HS3ST4: variants seen among roughly 807,000 people sequenced by gnomAD.
HS3ST4 encodes the protein heparan sulfate-glucosamine 3-sulfotransferase 4, also known as heparan sulfate glucosamine 3-O-sulfotransferase 4.
Under a neutral mutation model 29.2 loss-of-function variants are expected in HS3ST4, and 17 were observed. The observed-to-expected ratio is 0.58, with a 90% confidence interval of 0.40 to 0.87. The LOEUF (loss-of-function observed/expected upper bound fraction) is 0.87. HS3ST4 is among the 40% of genes least tolerant of loss of function. The pLI is 0.00. For missense variants in HS3ST4, 627 were observed against 634.5 expected (o/e 0.99, Z 0.13); for synonymous variants, 314 against 285.7 (o/e 1.10, Z -1.00).
At chr16:25,712,492 G>T (rs1966422559) in intron 1 of HS3ST4, among the ~76,000 whole-genome samples, 1 of 152,062 alleles carries the variant, frequency 6.6e-6, no homozygotes, top group African/African-American at 2.4e-5. Context: ...CTGCACTCCA[G>T]CCTGGGAGAC....
At chr16:25,912,499 ACCTG>A (rs67643723) in intron 1 of HS3ST4, among the ~76,000 whole-genome samples, 85,710 of 151,536 alleles carry the variant, frequency 0.57, 24,659 homozygotes, top group East Asian at 0.79. Context: ...TGCCCCACAC[ACCTG>A]CCTGCTGACT....
At chr16:25,894,514 G>GT (rs1555471045) in intron 1 of HS3ST4, among the ~76,000 whole-genome samples, 2 of 145,066 alleles carry the variant, frequency 1.4e-5, no homozygotes, top group Admixed American at 6.9e-5. Context: ...TTTTTTTTCA[G>GT]TTTTTTTTGA....
At chr16:25,882,945 CTCTGGG>C in intron 1 of HS3ST4, among the ~76,000 whole-genome samples, 7 of 152,164 alleles carry the variant, frequency 4.6e-5, no homozygotes, top group African/African-American at 1.7e-4. Context: ...CTGCTCTGAC[CTCTGGG>C]AGGGTGACAG....
At chr16:26,122,501 T>C (rs1459898998) in intron 1 of HS3ST4, among the ~76,000 whole-genome samples, 1 of 152,174 alleles carries the variant, frequency 6.6e-6, no homozygotes, top group Non-Finnish European at 1.5e-5. Context: ...TGCCTACAGT[T>C]TGTGCAGTTT....
chr16:25,971,293 G>A (rs891796264), intron 1 of HS3ST4, among the ~76,000 whole-genome samples: 2 of 152,178 alleles, frequency 1.3e-5, no homozygotes, highest in Non-Finnish European at 2.9e-5. Context: ...ACTTGATAAG[G>A]TGATGTATCT....
intron 1 of HS3ST4, among the ~76,000 whole-genome samples, chr16:25,788,532 C>T (rs1487295501): frequency 4.2e-4 from 48 of 113,520 alleles, no homozygotes; most frequent in Admixed American, 7.7e-4. Flanking sequence ...ATTTTTTTTT[C>T]TTTTCTTCTT....
At chr16:26,111,205 A>C (rs951381730) in intron 1 of HS3ST4, among the ~76,000 whole-genome samples, 2 of 151,934 alleles carry the variant, frequency 1.3e-5, no homozygotes, top group African/African-American at 4.8e-5. Context: ...CAGCCTCCCG[A>C]GTAGCTGAGA....
intron 1 of HS3ST4, among the ~76,000 whole-genome samples, chr16:25,739,493 C>T (rs1966637228): frequency 6.6e-6 from 1 of 152,034 alleles, no homozygotes. Flanking sequence ...CTTTTCTGTG[C>T]ATGACATGCT....
At chr16:25,799,187 T>C (rs1202999452) in intron 1 of HS3ST4, among the ~76,000 whole-genome samples, 1 of 152,192 alleles carries the variant, frequency 6.6e-6, no homozygotes, top group Non-Finnish European at 1.5e-5. Flanking sequence ...AGTCTGGAAG[T>C]GGATGGAGGT....
chr16:25,929,114 G>A (rs754957953), intron 1 of HS3ST4, among the ~76,000 whole-genome samples: 13 of 152,078 alleles, frequency 8.5e-5, no homozygotes, highest in Non-Finnish European at 1.5e-4. Flanking sequence ...ACCGGCGTGG[G>A]GGCTCACGCC....
chr16:25,740,363 C>T (rs1047291982), intron 1 of HS3ST4, among the ~76,000 whole-genome samples: 1 of 152,154 alleles, frequency 6.6e-6, no homozygotes, highest in Non-Finnish European at 1.5e-5. Context: ...TAAATTGTGG[C>T]ACCATTGAGT....
intron 1 of HS3ST4, among the ~76,000 whole-genome samples, chr16:25,733,692 G>A (rs1021592960): frequency 6.6e-6 from 1 of 152,086 alleles, no homozygotes; most frequent in African/African-American, 2.4e-5. Flanking sequence ...CTGGGGGGCG[G>A]GGGGAAACGC....
chr16:26,077,677 T>C (rs1898678317), intron 1 of HS3ST4, among the ~76,000 whole-genome samples: 1 of 152,232 alleles, frequency 6.6e-6, no homozygotes, highest in African/African-American at 2.4e-5. Context: ...GGGGACCCAG[T>C]GAGTATTGGT....
At chr16:25,880,497 A>C (rs192440718) in intron 1 of HS3ST4, among the ~76,000 whole-genome samples, 6 of 152,318 alleles carry the variant, frequency 3.9e-5, no homozygotes, top group Admixed American at 6.5e-5. Context: ...CCCAAATGGG[A>C]GTAAATACTT....
intron 1 of HS3ST4, among the ~76,000 whole-genome samples, chr16:26,070,561 G>A (rs1898590812): frequency 6.6e-6 from 1 of 152,210 alleles, no homozygotes; most frequent in Non-Finnish European, 1.5e-5. Flanking sequence ...CAGACTGTAT[G>A]TTATACAGCG....
At chr16:25,716,266 GT>G (rs1966453405) in intron 1 of HS3ST4, among the ~76,000 whole-genome samples, 1 of 152,182 alleles carries the variant, frequency 6.6e-6, no homozygotes, top group Non-Finnish European at 1.5e-5. Flanking sequence ...GATAGAGGTT[GT>G]TTCTTGTGTC....
chr16:25,831,353 A>G (rs1967295886), intron 1 of HS3ST4, among the ~76,000 whole-genome samples: 1 of 151,072 alleles, frequency 6.6e-6, no homozygotes, highest in Non-Finnish European at 1.5e-5. Context: ...ACTGGAAGCC[A>G]GGGTTTGAGA....
chr16:25,994,030 G>GAA (rs1969138413), intron 1 of HS3ST4, among the ~76,000 whole-genome samples: 1 of 150,528 alleles, frequency 6.6e-6, no homozygotes. Flanking sequence ...GAGAGAGAGA[G>GAA]AATCTGTCTT....
chr16:26,003,446 C>CT (rs1286481617), intron 1 of HS3ST4, among the ~76,000 whole-genome samples: 1 of 152,148 alleles, frequency 6.6e-6, no homozygotes, highest in African/African-American at 2.4e-5. Flanking sequence ...CGAGGAATGT[C>CT]TATCACAAAT....
Sources: gnomAD v4.1 joint callset for allele counts (sites outside exome capture counted in the v4.1 genomes callset) on GRCh38, gnomAD v4.1.1 for gene constraint, MANE v1.5 for transcripts, NCBI Gene and HGNC (gene_info 2026-07-23, HGNC 2026-07-21) for gene names.